TRPM3: variants seen among roughly 807,000 people sequenced by gnomAD.
TRPM3 encodes the protein long transient receptor potential channel 3.
Under a neutral mutation model 181.2 loss-of-function variants are expected in TRPM3, and 77 were observed. The observed-to-expected ratio is 0.42, with a 90% CI of 0.35 to 0.51. The LOEUF is 0.51. TRPM3 is among the 20% of genes least tolerant of loss of function. TRPM3 has a pLI of 0.01. For missense variants in TRPM3, 1,759 were observed against 2,196.7 expected, an observed-to-expected ratio of 0.80 and a Z score of 3.98; for synonymous variants, 745 against 796.4, an observed-to-expected ratio of 0.94 and a Z score of 1.09.
At chr9:70,798,299 C>A (rs1347299111) in intron 6 of TRPM3, among the ~76,000 whole-genome samples, 1 of 152,134 alleles carries the variant, frequency 6.6e-6, no homozygotes, top group Non-Finnish European at 1.5e-5. Context: ...AAGTGATCTG[C>A]CTGCCTTGAC....
At chr9:71,197,763 G>A (rs2078483845) in intron 1 of TRPM3, among the ~76,000 whole-genome samples, 1 of 143,992 alleles carries the variant, frequency 6.9e-6, no homozygotes, top group Non-Finnish European at 1.5e-5. Flanking sequence ...TGTAGATTCT[G>A]GATATTAGCC....
intron 1 of TRPM3, among the ~76,000 whole-genome samples, chr9:71,215,284 G>T (rs1029021311): frequency 6.6e-6 from 1 of 152,186 alleles, no homozygotes; most frequent in Admixed American, 6.5e-5. Flanking sequence ...ATGTTGAAGA[G>T]TGTGCATTGC....
intron 1 of TRPM3, among the ~76,000 whole-genome samples, chr9:71,030,838 C>T (rs1008190125): frequency 1.3e-5 from 2 of 152,258 alleles, no homozygotes; most frequent in East Asian, 1.9e-4. Flanking sequence ...AAAGCTATTT[C>T]TCCCAGAGCT....
rs35207861 is a variant in TRPM3 at position 71,418,916 on chromosome 9, ATG to A, written c.183+27735_183+27736del. On this transcript the variant is annotated intron_variant, in intron 1 of 24. Coordinates refer to the TRPM3 transcript ENST00000357533. Reference sequence around the variant, plus strand: ...CATATATATGTGTGTGTGTATATATATGTGTGTGTGTGTATATATATATATGT... The same window carrying A: ...CATATATATGTGTGTGTGTATATATATGTGTGTGTGTATATATATATATGT... Among the ~76,000 whole-genome samples the A allele has an allele frequency of 1.5e-3, 97 of 66,294 alleles. 2 individuals are homozygous for A. The highest frequency in any genetic ancestry group is 0.011 in the East Asian group (26 of 2,356). The allele number at this position is 66,294 out of a possible 152,430, so 43.5% of individuals were successfully genotyped here.
intron 1 of TRPM3, among the ~76,000 whole-genome samples, chr9:71,346,342 T>C (rs919606639): frequency 3.9e-5 from 6 of 152,218 alleles, no homozygotes; most frequent in African/African-American, 1.4e-4. Context: ...GTTATGCTCA[T>C]TTTTACTCTT....
intron 1 of TRPM3, among the ~76,000 whole-genome samples, chr9:70,906,677 C>A (rs1261715517): frequency 6.6e-6 from 1 of 152,128 alleles, no homozygotes; most frequent in African/African-American, 2.4e-5. Flanking sequence ...CCAAGGCCGG[C>A]GGATCACCTG....
intron 1 of TRPM3, among the ~76,000 whole-genome samples, chr9:70,910,145 C>T (rs1190478950): frequency 6.6e-6 from 1 of 152,078 alleles, no homozygotes; most frequent in Non-Finnish European, 1.5e-5. Context: ...TCAAATTGGA[C>T]ACAAGTTTTT....
intron 1 of TRPM3, among the ~76,000 whole-genome samples, chr9:71,393,701 C>G (rs539018259): frequency 2.0e-5 from 3 of 152,230 alleles, no homozygotes; most frequent in Admixed American, 2.0e-4. Flanking sequence ...CCAATTTCAT[C>G]AATAAAGACG....
intron 1 of TRPM3, among the ~76,000 whole-genome samples, chr9:70,947,579 A>T (rs2096948923): frequency 6.6e-6 from 1 of 152,050 alleles, no homozygotes; most frequent in Non-Finnish European, 1.5e-5. Flanking sequence ...TTTTGTTGTT[A>T]TTCAAAGTGG....
At chr9:71,430,207 T>G (rs1244335982) in intron 1 of TRPM3, among the ~76,000 whole-genome samples, 1 of 152,202 alleles carries the variant, frequency 6.6e-6, no homozygotes, top group East Asian at 1.9e-4. Context: ...ATAATCAGAT[T>G]GTTGTACAAA....
intron 1 of TRPM3, among the ~76,000 whole-genome samples, chr9:70,946,551 A>G (rs1394180397): frequency 2.0e-5 from 3 of 152,166 alleles, no homozygotes; most frequent in Admixed American, 2.0e-4. Context: ...GCACCATAAA[A>G]TCATACACAG....
At chr9:71,209,030 A>G (rs1002118396) in intron 1 of TRPM3, among the ~76,000 whole-genome samples, 1 of 152,188 alleles carries the variant, frequency 6.6e-6, no homozygotes, top group Admixed American at 6.5e-5. Flanking sequence ...AATGTAAATC[A>G]TGAGACTTTG....
intron 19 of TRPM3, among the ~76,000 whole-genome samples, chr9:70,606,564 T>TATCA (rs751503188): frequency 5.3e-5 from 8 of 152,058 alleles, no homozygotes; most frequent in African/African-American, 9.7e-5. Context: ...GGAAGCAGCC[T>TATCA]ATCATAGAAC....
intron 1 of TRPM3, among the ~76,000 whole-genome samples, chr9:71,269,642 G>T (rs895534317): frequency 6.6e-6 from 1 of 152,134 alleles, no homozygotes; most frequent in Non-Finnish European, 1.5e-5. Context: ...GCATGAAAAA[G>T]GAACTAGAAA....
At chr9:70,665,320 A>G (rs2061696682) in intron 9 of TRPM3, among the ~76,000 whole-genome samples, 2 of 152,158 alleles carry the variant, frequency 1.3e-5, no homozygotes, top group Admixed American at 1.3e-4. Flanking sequence ...AATCGAAGCT[A>G]TATAGAAACC....
At chr9:71,336,824 A>G (rs914982244) in intron 1 of TRPM3, among the ~76,000 whole-genome samples, 1 of 152,184 alleles carries the variant, frequency 6.6e-6, no homozygotes, top group Non-Finnish European at 1.5e-5. Context: ...CTGATCTTTG[A>G]CAAACCTGAC....
intron 22 of TRPM3, among the ~76,000 whole-genome samples, chr9:70,575,315 C>T (rs543833960): frequency 1.3e-5 from 2 of 152,198 alleles, no homozygotes; most frequent in South Asian, 4.2e-4. Flanking sequence ...AACGGCTTTG[C>T]AAATTTTAGC....
intron 21 of TRPM3, among the ~76,000 whole-genome samples, chr9:70,591,524 G>A (rs1225562371): frequency 6.6e-6 from 1 of 152,170 alleles, no homozygotes; most frequent in African/African-American, 2.4e-5. Context: ...ATAAATGGAA[G>A]CTTAGGCCTC....
chr9:70,959,597 GAA>G (rs974561741), intron 1 of TRPM3, among the ~76,000 whole-genome samples: 1 of 152,096 alleles, frequency 6.6e-6, no homozygotes, highest in African/African-American at 2.4e-5. Context: ...ACACAATTAA[GAA>G]AGAAAATAGC....
Sources: gnomAD v4.1 joint callset for allele counts (sites outside exome capture counted in the v4.1 genomes callset) on GRCh38, gnomAD v4.1.1 for gene constraint, MANE v1.5 for transcripts, NCBI Gene and HGNC (gene_info 2026-07-23, HGNC 2026-07-21) for gene names.